FHOD3: variants seen among roughly 807,000 people sequenced by gnomAD.
FHOD3 encodes FH1/FH2 domain-containing protein 3.
Under a neutral mutation model 173.0 loss-of-function variants are expected in FHOD3, and 90 were observed. The ratio of observed to expected loss-of-function variants is 0.52; its 90% CI spans 0.44 to 0.62. FHOD3 has a LOEUF of 0.62. FHOD3 is among the 20% of genes least tolerant of loss of function. FHOD3 has a pLI of 0.00. For synonymous variants in FHOD3, 828 were observed against 823.0 expected (o/e 1.01, Z -0.10); for missense variants, 1,945 against 2,034.7 (o/e 0.96, Z 0.85).
intron 1 of FHOD3, among the ~76,000 whole-genome samples, chr18:36,349,522 A>T (rs2046020242): frequency 6.6e-6 from 1 of 152,132 alleles, no homozygotes; most frequent in Non-Finnish European, 1.5e-5. Flanking sequence ...CTATAACCAA[A>T]ATTAGTTTAA....
At chr18:36,762,982 GTTATATATGCGTATT>G (rs2042953700) in intron 27 of FHOD3, among the ~76,000 whole-genome samples, 2 of 144,806 alleles carry the variant, frequency 1.4e-5, no homozygotes, top group African/African-American at 5.0e-5. Context: ...TATTATATAC[GTTATATATGCGTATT>G]ATATACGTTA....
chr18:36,720,168 G>A (rs1367880070), intron 19 of FHOD3, among the ~76,000 whole-genome samples: 2 of 151,238 alleles, frequency 1.3e-5, no homozygotes, highest in Non-Finnish European at 2.9e-5. Context: ...CTCTTGGTGT[G>A]TCTGTGTCCT....
At chr18:36,713,085 G>A (rs552454295) in intron 18 of FHOD3, among the ~76,000 whole-genome samples, 1 of 152,166 alleles carries the variant, frequency 6.6e-6, no homozygotes, top group Admixed American at 6.5e-5. Context: ...AAAAGAGTGG[G>A]TCCCTAACAG....
intron 3 of FHOD3, among the ~76,000 whole-genome samples, chr18:36,402,867 A>G (rs2048890667): frequency 6.6e-6 from 1 of 152,258 alleles, no homozygotes. Flanking sequence ...AAAGGTTTAC[A>G]CATAGCAGCA....
intron 5 of FHOD3, among the ~76,000 whole-genome samples, chr18:36,553,935 A>G (rs1047523395): frequency 6.6e-6 from 1 of 152,224 alleles, no homozygotes; most frequent in Non-Finnish European, 1.5e-5. Flanking sequence ...AACCACAACA[A>G]GATACCATCT....
chr18:36,532,229 T>C (rs551313460), intron 5 of FHOD3, among the ~76,000 whole-genome samples: 1 of 152,168 alleles, frequency 6.6e-6, no homozygotes, highest in Admixed American at 6.5e-5. Context: ...CAAGAAAGTA[T>C]GGAGTATCTC....
At chr18:36,738,124 G>A (rs2041730951) in intron 20 of FHOD3, among the ~76,000 whole-genome samples, 1 of 152,190 alleles carries the variant, frequency 6.6e-6, no homozygotes, top group Non-Finnish European at 1.5e-5. Context: ...TCATCATGAT[G>A]CCTTTGAGAT....
intron 3 of FHOD3, among the ~76,000 whole-genome samples, chr18:36,470,493 A>T (rs2053218282): frequency 6.6e-6 from 1 of 152,334 alleles, no homozygotes; most frequent in Non-Finnish European, 1.5e-5. Context: ...GGAGTGGAAT[A>T]GGATACACCA....
intron 3 of FHOD3, among the ~76,000 whole-genome samples, chr18:36,398,725 G>A (rs973130233): frequency 3.3e-5 from 5 of 152,300 alleles, no homozygotes; most frequent in Middle Eastern, 3.4e-3. Context: ...TGTGCTTTGC[G>A]TTCCCTTCAA....
At chr18:36,651,442 T>G (rs751340789) in intron 11 of FHOD3, among the ~76,000 whole-genome samples, 28 of 151,954 alleles carry the variant, frequency 1.8e-4, no homozygotes, top group Non-Finnish European at 2.9e-5. Flanking sequence ...TTTATAATAT[T>G]TAATGGACAA....
intron 1 of FHOD3, among the ~76,000 whole-genome samples, chr18:36,348,954 C>T (rs187522210): frequency 1.6e-4 from 25 of 152,226 alleles, no homozygotes; most frequent in Non-Finnish European, 2.9e-4. Flanking sequence ...TTTTCCCTGT[C>T]GGCTGTGGGT....
At chr18:36,473,286 C>T (rs1481435371) in intron 3 of FHOD3, among the ~76,000 whole-genome samples, 3 of 152,172 alleles carry the variant, frequency 2.0e-5, no homozygotes, top group African/African-American at 4.8e-5. Flanking sequence ...TGGTGGCACA[C>T]GCCTGTGATC....
chr18:36,347,917 A>G (rs2045945513), intron 1 of FHOD3, among the ~76,000 whole-genome samples: 1 of 152,250 alleles, frequency 6.6e-6, no homozygotes, highest in Non-Finnish European at 1.5e-5. Flanking sequence ...AAGTGTGTAT[A>G]GTTTGAAGGT....
chr18:36,724,623 T>C (rs888925030), intron 19 of FHOD3, among the ~76,000 whole-genome samples: 2 of 152,260 alleles, frequency 1.3e-5, no homozygotes, highest in Non-Finnish European at 2.9e-5. Context: ...TTGAGTTTCC[T>C]GCTCGCCTAG....
intron 3 of FHOD3, among the ~76,000 whole-genome samples, chr18:36,421,154 A>G (rs1377674993): frequency 2.0e-5 from 3 of 152,206 alleles, no homozygotes; most frequent in Non-Finnish European, 4.4e-5. Context: ...AATAAGCTGA[A>G]AACAATGTGC....
At chr18:36,630,716 T>G (rs1014963047) in intron 10 of FHOD3, among the ~76,000 whole-genome samples, 1 of 152,190 alleles carries the variant, frequency 6.6e-6, no homozygotes, top group Non-Finnish European at 1.5e-5. Flanking sequence ...GAATCTGCAT[T>G]GAGAAGCAGC....
At chr18:36,397,536 C>T (rs2048610482) in intron 3 of FHOD3, among the ~76,000 whole-genome samples, 1 of 152,076 alleles carries the variant, frequency 6.6e-6, no homozygotes, top group South Asian at 2.1e-4. Context: ...AGTATAGAGA[C>T]CCCATATGCT....
chr18:36,499,170 C>T lies in FHOD3; in HGVS notation c.338-2762C>T, dbSNP rs565860117. On this transcript the variant is annotated intron_variant, in intron 3 of 28. Coordinates refer to ENST00000590592, the MANE Select transcript of FHOD3 (RefSeq NM_001281740.3). ...CTAGGCTGGAGTGCGGTGACATGAT[C>T]TCAGCTCACTGCAATCCCCACCTCC... 4.3e-4 allele frequency among the ~76,000 whole-genome samples: 65 copies of T among 152,296 alleles called. 1 individual carries two copies. The highest frequency in any genetic ancestry group is 1.6e-3 in the African/African-American group (65 of 41,562).
At chr18:36,479,917 C>T (rs1210385416) in intron 3 of FHOD3, among the ~76,000 whole-genome samples, 1 of 152,338 alleles carries the variant, frequency 6.6e-6, no homozygotes, top group East Asian at 1.9e-4. Flanking sequence ...TCTTCCTCAG[C>T]TGCAGCTTCA....
Sources: allele counts gnomAD v4.1 joint callset (sites outside exome capture counted in the v4.1 genomes callset), GRCh38; gene constraint gnomAD v4.1.1; transcripts MANE v1.5; gene names NCBI Gene and HGNC (gene_info 2026-07-23, HGNC 2026-07-21).